Variants in ARHGAP25 observed in about 807,000 individuals in gnomAD.
ARHGAP25 encodes Rho GTPase activating protein 25.
Under a neutral mutation model 71.0 loss-of-function variants are expected in ARHGAP25, and 34 were observed. That is an observed-to-expected ratio of 0.48 (90% CI 0.36 to 0.64). The LOEUF is 0.64. ARHGAP25 is among the 30% of genes least tolerant of loss of function. The probability of loss-of-function intolerance (pLI) is 0.00; values close to 1 mark genes in which losing one functional copy is unlikely to be tolerated. For missense variants in ARHGAP25, 706 were observed against 805.1 expected, an observed-to-expected ratio of 0.88 and a Z score of 1.49; for synonymous variants, 282 against 296.5, an observed-to-expected ratio of 0.95 and a Z score of 0.50.
chr2:68,724,790 A>G (rs150592629), intron 2 of ARHGAP25, among the ~76,000 whole-genome samples: 1 of 151,290 alleles, frequency 6.6e-6, no homozygotes, highest in African/African-American at 2.4e-5. Context: ...TCTCCTTTCC[A>G]TTTTCTCAGG....
intron 1 of ARHGAP25, among the ~76,000 whole-genome samples, chr2:68,739,989 A>G (rs1005326697): frequency 1.3e-5 from 2 of 152,070 alleles, no homozygotes; most frequent in East Asian, 3.8e-4. Context: ...GTGCTTCCTC[A>G]TTTCTAGTAA....
intron 1 of ARHGAP25, among the ~76,000 whole-genome samples, chr2:68,751,232 G>A (rs1163307111): frequency 6.6e-6 from 1 of 152,160 alleles, no homozygotes; most frequent in Non-Finnish European, 1.5e-5. Flanking sequence ...CCAATGGGGG[G>A]TGCTGGCCTA....
At chr2:68,797,753 C>G (rs1679666664) in intron 4 of ARHGAP25, among the ~76,000 whole-genome samples, 1 of 152,210 alleles carries the variant, frequency 6.6e-6, no homozygotes. Flanking sequence ...TGGAGCAGTT[C>G]CATATCATAG....
intron 4 of ARHGAP25, among the ~76,000 whole-genome samples, chr2:68,799,000 T>C (rs1679770990): frequency 6.6e-6 from 1 of 152,174 alleles, no homozygotes; most frequent in African/African-American, 2.4e-5. Flanking sequence ...TGGATTGGGC[T>C]GGAGGTGGCA....
chr2:68,822,614 G>A lies in ARHGAP25; in HGVS notation c.1475G>A (p.Arg492His), dbSNP rs143671171. 1.1e-4 allele frequency: 176 copies of A among 1,613,946 alleles called. No individual in the cohort carries two copies. Among genetic ancestry groups the A allele is most frequent in the Middle Eastern group, 1.6e-4 (1 of 6,084 alleles). ...GHRRTMSQDL[R>H]QLSDSQRTST... is the part of the protein sequence containing the mutation. Reference sequence around the variant, plus strand: ...AGGAGAACGATGTCTCAAGACTTGCGCCAACTTTCTGACTCCCAACGGACT... The same window carrying A: ...AGGAGAACGATGTCTCAAGACTTGCACCAACTTTCTGACTCCCAACGGACT... The change falls in exon 10 of 11, where the codon CGC becomes CAC. Residue 492 changes from arginine to histidine, a missense_variant. Transcript: ENST00000409202.
At chr2:68,747,698 A>G (rs1263056991) in intron 1 of ARHGAP25, among the ~76,000 whole-genome samples, 1 of 150,672 alleles carries the variant, frequency 6.6e-6, no homozygotes, top group Non-Finnish European at 1.5e-5. Context: ...CCCTCTTCCC[A>G]CCCCTCCACA....
intron 2 of ARHGAP25, among the ~76,000 whole-genome samples, chr2:68,720,540 A>C (rs115116144): frequency 6.6e-6 from 1 of 152,126 alleles, no homozygotes; most frequent in East Asian, 1.9e-4. Context: ...CCTGATTCCC[A>C]AAGTCCTACA....
intron 1 of ARHGAP25, among the ~76,000 whole-genome samples, chr2:68,758,501 A>T (rs1367430186): frequency 6.6e-6 from 1 of 151,988 alleles, no homozygotes; most frequent in Non-Finnish European, 1.5e-5. Context: ...AAAAAATGCT[A>T]CAAGAAACAA....
intron 4 of ARHGAP25, among the ~76,000 whole-genome samples, chr2:68,803,601 A>T (rs997518858): frequency 6.6e-6 from 1 of 152,132 alleles, no homozygotes; most frequent in Non-Finnish European, 1.5e-5. Context: ...CCCACGTGGG[A>T]TCTTTCAATT....
chr2:68,769,491 A>G (rs950176229), intron 1 of ARHGAP25, among the ~76,000 whole-genome samples: 1 of 152,112 alleles, frequency 6.6e-6, no homozygotes, highest in African/African-American at 2.4e-5. Flanking sequence ...CACTTCTGCT[A>G]CTTTCTCCTT....
intron 1 of ARHGAP25, among the ~76,000 whole-genome samples, chr2:68,754,652 C>T (rs1401220363): frequency 1.3e-5 from 2 of 152,160 alleles, no homozygotes; most frequent in Non-Finnish European, 2.9e-5. Context: ...TTATAAGAAG[C>T]TACCAAATTG....
At position 68,822,597 on chromosome 2, in the gene ARHGAP25, G is replaced by C. The variant is rs143665378; in HGVS notation, c.1458G>C (p.Thr486=). 4 of 1,614,026 alleles carry C rather than the reference G, an allele frequency of 2.5e-6. No individual in the cohort carries two copies. The African/African-American group carries it at 4.0e-5, about 16-fold the overall frequency. Residue 486 remains threonine, a synonymous_variant, in exon 10 of 11, where the codon ACG becomes ACC. Transcript: ENST00000409202. The part of the protein sequence containing the change: ...EAKAGEGHRR[T]MSQDLRQLSD... ...AGGCAGGGGAAGGGCACAGGAGAAC[G>C]ATGTCTCAAGACTTGCGCCAACTTT... is the stretch of plus-strand genomic sequence containing the variant.
upstream of ARHGAP25, among the ~76,000 whole-genome samples, chr2:68,730,671 TCTC>T (rs1675000841): frequency 6.6e-6 from 1 of 150,888 alleles, no homozygotes; most frequent in Non-Finnish European, 1.5e-5. Flanking sequence ...AAAAAAAAGT[TCTC>T]CTCAGGCTAG....
chr2:68,820,829 CCT>C (rs1338421628), intron 9 of ARHGAP25, among the ~76,000 whole-genome samples: 1 of 147,194 alleles, frequency 6.8e-6, no homozygotes. Context: ...TTATTTACCT[CCT>C]TTTTTACACA....
chr2:68,825,729 C>T (rs918085063), intron 10 of ARHGAP25, among the ~76,000 whole-genome samples: 2 of 151,810 alleles, frequency 1.3e-5, no homozygotes, highest in African/African-American at 4.8e-5. Flanking sequence ...GAGCCGAGAT[C>T]GCGTCACTGC....
chr2:68,781,049 T>C (rs1424795202), intron 2 of ARHGAP25, among the ~76,000 whole-genome samples: 1 of 152,138 alleles, frequency 6.6e-6, no homozygotes, highest in African/African-American at 2.4e-5. Flanking sequence ...CAGTGATAAA[T>C]CTTGCTATGC....
At chr2:68,742,761 T>C (rs1675586976) in intron 1 of ARHGAP25, among the ~76,000 whole-genome samples, 5 of 152,234 alleles carry the variant, frequency 3.3e-5, no homozygotes. Context: ...TTTAGACATA[T>C]GGTCTTTACA....
rs1036115155 is a variant in ARHGAP25 at position 68,767,333 on chromosome 2, T to A, written c.62-7888T>A. Among the ~76,000 whole-genome samples, 1 of 152,032 alleles carries A rather than the reference T, an allele frequency of 6.6e-6. No individual in the cohort carries two copies. On this transcript the variant is annotated intron_variant, in intron 1 of 10. Transcript: ENST00000409202. This position sits in a 1 kb window ranked among gnomAD's most constrained non-coding sequence, Gnocchi z 4.6. ...AGCCTGAAGTTTCTGAAGTCACATG[T>A]CCTAATTTCCTTCTGGGTGGAAACT...
Position 68,823,455 on chromosome 2 carries a change from C to T in ARHGAP25, c.1733+583C>T, listed in dbSNP as rs763137422. Among the ~76,000 whole-genome samples the T allele has an allele frequency of 7.9e-5, 12 of 152,106 alleles. No homozygotes were observed. The East Asian group carries it at 1.2e-3, about 15-fold the overall frequency. On this transcript the variant is annotated intron_variant, in intron 10 of 10. Coordinates refer to ENST00000409202, the MANE Select transcript of ARHGAP25 (RefSeq NM_001007231.3). ...AAATAGGGGGGTCAGGGAAGGCCTC[C>T]GTGAGAAGGCAGCAGGTAAGTAAAG...
Sources: gnomAD v4.1 joint callset for allele counts (sites outside exome capture counted in the v4.1 genomes callset) on GRCh38, gnomAD v4.1.1 for gene constraint, Gnocchi (gnomAD v3.1) non-coding constraint, MANE v1.5 for transcripts, NCBI Gene and HGNC (gene_info 2026-07-23, HGNC 2026-07-21) for gene names.